ZNF813: variants seen among roughly 807,000 people sequenced by gnomAD.
ZNF813 encodes zinc finger protein 813.
In ZNF813, 3 loss-of-function variants were observed where a neutral mutation model predicts 7.2. The ratio of observed to expected loss-of-function variants is 0.42; its 90% CI spans 0.19 to 1.08. ZNF813 has a LOEUF of 1.08. ZNF813 is among the 50% of genes least tolerant of loss of function. The pLI, the probability that ZNF813 is intolerant of heterozygous loss-of-function variation, is 0.30. For missense variants in ZNF813, 714 were observed against 753.3 expected, an observed-to-expected ratio of 0.95 and a Z score of 0.61; for synonymous variants, 227 against 256.3, an observed-to-expected ratio of 0.89 and a Z score of 1.09.
intron 2 of ZNF813, among the ~76,000 whole-genome samples, chr19:53,484,749 T>C (rs2086424547): frequency 6.6e-6 from 1 of 152,160 alleles, no homozygotes; most frequent in African/African-American, 2.4e-5. Flanking sequence ...GTATTTTTAT[T>C]AGTGACGGGT....
chr19:53,487,467 G>A (rs1191703169), intron 3 of ZNF813, among the ~76,000 whole-genome samples: 2 of 152,124 alleles, frequency 1.3e-5, no homozygotes, highest in African/African-American at 4.8e-5. Flanking sequence ...GTTCAGTGGT[G>A]CGATCTTGGG....
intron 1 of ZNF813, among the ~76,000 whole-genome samples, chr19:53,475,344 T>C (rs939095657): frequency 2.0e-5 from 3 of 152,288 alleles, no homozygotes; most frequent in African/African-American, 7.2e-5. Context: ...GTCCAAACTC[T>C]TCTAGCACAG....
intron 1 of ZNF813, among the ~76,000 whole-genome samples, chr19:53,470,239 C>G (rs540827419): frequency 2.0e-5 from 3 of 152,106 alleles, no homozygotes; most frequent in African/African-American, 7.2e-5. Context: ...CCTTTGGCTT[C>G]GACTTCGCAA....
chr19:53,473,674 T>C (rs958292123), intron 1 of ZNF813, among the ~76,000 whole-genome samples: 2 of 152,242 alleles, frequency 1.3e-5, no homozygotes, highest in Non-Finnish European at 2.9e-5. Flanking sequence ...AGCGGTGTAC[T>C]GGATCTGTCA....
At chr19:53,481,805 C>T (rs1180023203) in intron 1 of ZNF813, among the ~76,000 whole-genome samples, 1 of 152,146 alleles carries the variant, frequency 6.6e-6, no homozygotes, top group Admixed American at 6.5e-5. Context: ...ATTTGGGAAT[C>T]AATGGCATCA....
intron 1 of ZNF813, among the ~76,000 whole-genome samples, chr19:53,470,128 A>G (rs2086350187): frequency 7.1e-6 from 1 of 141,428 alleles, no homozygotes; most frequent in South Asian, 2.2e-4. Flanking sequence ...GAACAGCTAA[A>G]TACATTTGTT....
intron 2 of ZNF813, among the ~76,000 whole-genome samples, chr19:53,484,969 G>A (rs1363532732): frequency 4.6e-5 from 7 of 152,142 alleles, no homozygotes; most frequent in African/African-American, 7.2e-5. Flanking sequence ...TAGACTTTTT[G>A]CTATAAAGCA....
intron 1 of ZNF813, chr19:53,480,222 C>T: frequency 2.6e-6 from 2 of 754,774 alleles, no homozygotes; most frequent in South Asian, 2.7e-5. Flanking sequence ...TCTCACCACC[C>T]CCTCCTCCCC....
intron 1 of ZNF813, among the ~76,000 whole-genome samples, chr19:53,475,360 C>A (rs576535798): frequency 6.6e-6 from 1 of 152,406 alleles, no homozygotes; most frequent in East Asian, 1.9e-4. Context: ...CACAGAACTA[C>A]TTCCACCTGT....
chr19:53,490,594 G>A lies in ZNF813; in HGVS notation c.362G>A (p.Gly121Asp), dbSNP rs369173113. 6.8e-6 allele frequency: 11 copies of A among 1,614,012 alleles called. No individual in the cohort carries two copies. Among genetic ancestry groups the A allele is most frequent in the African/African-American group, 6.7e-5 (5 of 74,900 alleles). The change falls in exon 4 of 4, where the codon GGT becomes GAT. Residue 121 changes from glycine to aspartate, a missense_variant. By Grantham distance (94) the Gly-to-Asp change is moderately conservative (BLOSUM62 -1). This residue lies in a region of ZNF813 where 563 missense variants were observed against 554.2 expected (regional missense o/e 1.02). Coordinates refer to ENST00000396403, the MANE Select transcript of ZNF813 (RefSeq NM_001004301.4). The stretch of plus-strand genomic sequence containing the variant: ...ATGACAGAAATCAAAAAGTTGACTG[G>A]TAGTGCAGACCGATATGATCAAAGG... ...APMTEIKKLT[G>D]SADRYDQRHA...
At chr19:53,486,275 C>T (rs180729163) in intron 2 of ZNF813, among the ~76,000 whole-genome samples, 60 of 152,124 alleles carry the variant, frequency 3.9e-4, no homozygotes, top group Non-Finnish European at 7.9e-4. Flanking sequence ...TGTGAAAACC[C>T]GTTTCTACTA....
At position 53,494,451 on chromosome 19, in the gene ZNF813, C is replaced by A. The variant is rs1042143586; in HGVS notation, c.*2365C>A. ...CTGAGATCCAGAGTTCGAGACCAGC[C>A]TCACCAACATGGAGAAACAGCATCT... On this transcript the variant is annotated 3_prime_UTR_variant, in exon 4 of 4. Coordinates refer to ENST00000396403, the MANE Select transcript of ZNF813 (RefSeq NM_001004301.4). 7 of 152,076 alleles carry A rather than the reference C, an allele frequency of 4.6e-5. No individual in the cohort carries two copies. The highest frequency in any genetic ancestry group is 1.3e-4 in the Admixed American group (2 of 15,248). 9.4% of individuals were successfully genotyped at this position (152,076 alleles called of 1,614,324 possible).
chr19:53,470,618 G>C (rs2086354012), intron 1 of ZNF813, among the ~76,000 whole-genome samples: 1 of 131,784 alleles, frequency 7.6e-6, no homozygotes, highest in South Asian at 2.4e-4. Flanking sequence ...AGTATTTCTA[G>C]AACCACTCCT....
At chr19:53,468,065 A>G (rs554601596) in intron 1 of ZNF813, among the ~76,000 whole-genome samples, 10 of 151,544 alleles carry the variant, frequency 6.6e-5, no homozygotes, top group Non-Finnish European at 1.0e-4. Context: ...GACTCCTCCC[A>G]CCCCGCGCTT....
intron 1 of ZNF813, among the ~76,000 whole-genome samples, chr19:53,468,780 T>C (rs948223571): frequency 6.6e-6 from 1 of 151,828 alleles, no homozygotes; most frequent in African/African-American, 2.4e-5. Context: ...ATAGAACGAA[T>C]GGAAATGGTC....
intron 1 of ZNF813, among the ~76,000 whole-genome samples, chr19:53,468,484 T>C (rs974682105): frequency 6.6e-6 from 1 of 152,172 alleles, no homozygotes; most frequent in African/African-American, 2.4e-5. Flanking sequence ...CCGGCACCAG[T>C]GCCAGCCTCT....
chr19:53,479,466 G>A, intron 1 of ZNF813: 1 of 1,507,748 alleles, frequency 6.6e-7, no homozygotes. Context: ...GAGAAAGGTG[G>A]GCCCGGGAAC....
chr19:53,493,090 G>A lies in ZNF813; in HGVS notation c.*1004G>A. The A allele has an allele frequency of 2.8e-6, 1 of 361,262 alleles. No homozygotes were observed. The highest frequency in any genetic ancestry group is 2.2e-5 in the South Asian group (1 of 45,468). 22.4% of individuals were successfully genotyped at this position (361,262 alleles called of 1,614,324 possible). On this transcript the variant is annotated 3_prime_UTR_variant, in exon 4 of 4. Coordinates refer to ENST00000396403, the MANE Select transcript of ZNF813 (RefSeq NM_001004301.4). ...ATCAAGCAGTAATTGACATTAAAGT[G>A]TTTATGTTAAGAGGATTGGGCCAGG...
At chr19:53,485,947 G>T (rs569724697) in intron 2 of ZNF813, among the ~76,000 whole-genome samples, 1 of 152,116 alleles carries the variant, frequency 6.6e-6, no homozygotes, top group African/African-American at 2.4e-5. Context: ...TGCCCAGGCC[G>T]GAGTGCAATG....
Sources: allele counts gnomAD v4.1 joint callset (sites outside exome capture counted in the v4.1 genomes callset), GRCh38; gene constraint gnomAD v4.1.1; regional missense constraint gnomAD v4.1.1; transcripts MANE v1.5; gene names NCBI Gene and HGNC (gene_info 2026-07-23, HGNC 2026-07-21).